The following CASD1 variants were observed in gnomAD, a reference collection of about 807,000 sequenced individuals.
The protein encoded by CASD1 is CAS1 domain sialic acid O acetyltransferase 1, also known as N-acetylneuraminate (7)9-O-acetyltransferase.
CASD1 carries 41 observed loss-of-function variants against 100.0 expected under a neutral mutation model. That is an observed-to-expected ratio of 0.41 (90% CI 0.32 to 0.53). The LOEUF (loss-of-function observed/expected upper bound fraction) is 0.53. Among genes scored for constraint, CASD1 ranks in the 20% least tolerant of loss-of-function variants. The pLI is 0.25. For missense variants in CASD1, 774 were observed against 948.7 expected (o/e 0.82, Z 2.42); for synonymous variants, 321 against 315.6 (o/e 1.02, Z -0.18).
chr7:94,588,734 T>C, the CASD1 span: 1 of 1,613,026 alleles, frequency 6.2e-7, no homozygotes, highest in South Asian at 1.1e-5. Context: ...GGCAAGTTCC[T>C]AGAAATGATG....
Position 94,537,785 on chromosome 7 carries a change from G to T in CASD1, c.1157G>T (p.Arg386Leu), listed in dbSNP as rs371554475. The change falls in exon 9 of 18, where the codon CGT becomes CTT. Residue 386 changes from arginine (R) to leucine (L), a missense_variant. Coordinates refer to ENST00000297273, the MANE Select transcript of CASD1 (RefSeq NM_022900.5). ...LIMAYFYMCD[R>L]ANLFMKENKF... ...ATGGCATATTTCTATATGTGTGACC[G>T]TGCAAATCTGTTCATGAAGGAAAAC... 1 of 1,612,522 alleles carries T rather than the reference G, an allele frequency of 6.2e-7. No individual in the cohort carries two copies. Among genetic ancestry groups the T allele is most frequent in the Non-Finnish European group, 8.5e-7 (1 of 1,178,968 alleles).
chr7:94,618,682 C>T, the CASD1 span: 1 of 1,227,088 alleles, frequency 8.1e-7, no homozygotes, highest in Non-Finnish European at 1.2e-6. Flanking sequence ...AGGCCATCTT[C>T]CATCTATAAT....
At chr7:94,602,508 TCA>T in the CASD1 span, among the ~76,000 whole-genome samples, 1 of 151,316 alleles carries the variant, frequency 6.6e-6, no homozygotes, top group Non-Finnish European at 1.5e-5. Context: ...TCACCACCAA[TCA>T]TAAAGAATTG....
chr7:94,595,534 A>G, the CASD1 span, among the ~76,000 whole-genome samples: 1 of 152,128 alleles, frequency 6.6e-6, no homozygotes, highest in Non-Finnish European at 1.5e-5. Context: ...ATTAATAAGT[A>G]CAAGACAGCA....
chr7:94,535,812 G>T (rs1326555642), intron 8 of CASD1, among the ~76,000 whole-genome samples: 1 of 152,104 alleles, frequency 6.6e-6, no homozygotes. Flanking sequence ...CTCCTCAGAA[G>T]CATATATGTT....
chr7:94,556,944 TA>T lies in CASD1; in HGVS notation c.*1189del, dbSNP rs1192816276. 2 of 152,100 alleles carry T rather than the reference TA, an allele frequency of 1.3e-5. No homozygotes were observed. The highest frequency in any genetic ancestry group is 4.8e-5 in the African/African-American group (2 of 41,458). The allele number at this position is 152,100 out of a possible 1,614,324, so 9.4% of individuals were successfully genotyped here. ...TGAAAATATGGAGTAATTTAAACAG[TA>T]AATAAACATTCTGTGGATGCTTATT... is the stretch of plus-strand genomic sequence containing the variant. On this transcript the variant is annotated 3_prime_UTR_variant, in exon 18 of 18. Coordinates refer to ENST00000297273, the MANE Select transcript of CASD1 (RefSeq NM_022900.5).
intron 13 of CASD1, among the ~76,000 whole-genome samples, chr7:94,548,461 T>C (rs1018895744): frequency 6.6e-6 from 1 of 151,732 alleles, no homozygotes; most frequent in Non-Finnish European, 1.5e-5. Flanking sequence ...TATACACACA[T>C]ATATATGATC....
chr7:94,518,462 G>A (rs1310234371), intron 3 of CASD1, 139 bp downstream of exon 3: 1 of 631,066 alleles, frequency 1.6e-6, no homozygotes, highest in African/African-American at 1.9e-5. Context: ...GGGAAAAAGA[G>A]GGATGAATTG....
chr7:94,610,548 CTATT>C, the CASD1 span, among the ~76,000 whole-genome samples: 1 of 152,100 alleles, frequency 6.6e-6, no homozygotes, highest in South Asian at 2.1e-4. Context: ...AGAGCTAAAA[CTATT>C]AAACTCTGAG....
chr7:94,547,220 AAAGTTC>A lies in CASD1; in HGVS notation c.1713+50_1713+55del, dbSNP rs1562948031. The A allele has an allele frequency of 3.6e-6, 5 of 1,390,300 alleles. No homozygotes were observed. In the South Asian group the frequency reaches 7.0e-5, roughly 20 times the overall value. 86.1% of individuals were successfully genotyped at this position (1,390,300 alleles called of 1,614,324 possible). ...TTTATATTTTTTCATATTTTATTTT[AAAGTTC>A]AAGTCTATTAAAGCATGTGAGAAGA... On this transcript the variant is annotated intron_variant, in intron 13 of 17. Coordinates refer to ENST00000297273, the MANE Select transcript of CASD1 (RefSeq NM_022900.5).
chr7:94,541,055 A>G (rs1217202822), intron 10 of CASD1, among the ~76,000 whole-genome samples: 2 of 152,074 alleles, frequency 1.3e-5, no homozygotes, highest in African/African-American at 2.4e-5. Flanking sequence ...CTAATTTACA[A>G]TTTTAAAAAA....
intron 4 of CASD1, among the ~76,000 whole-genome samples, chr7:94,527,943 T>A (rs1267814567): frequency 6.6e-6 from 1 of 152,142 alleles, no homozygotes; most frequent in African/African-American, 2.4e-5. Flanking sequence ...CATAGCAAGA[T>A]CAGATTTAAG....
the CASD1 span, among the ~76,000 whole-genome samples, chr7:94,606,869 A>G: frequency 1.3e-5 from 2 of 152,212 alleles, no homozygotes; most frequent in Non-Finnish European, 2.9e-5. Context: ...TTGCACATGG[A>G]TTAAAGGAGA....
intron 13 of CASD1, among the ~76,000 whole-genome samples, chr7:94,547,386 C>T (rs1224047265): frequency 6.6e-6 from 1 of 151,832 alleles, no homozygotes; most frequent in African/African-American, 2.4e-5. Flanking sequence ...CAAGTTAAAG[C>T]TCTTCCTCTG....
chr7:94,551,548 C>A, intron 15 of CASD1, 70 bp downstream of exon 15: 1 of 625,844 alleles, frequency 1.6e-6, no homozygotes, highest in Non-Finnish European at 2.3e-6. Flanking sequence ...GAAATATAAT[C>A]AATTATTTTT....
the CASD1 span, chr7:94,628,397 A>G: frequency 6.6e-7 from 1 of 1,517,118 alleles, no homozygotes. Flanking sequence ...TAAGACAGTT[A>G]TTTTCACACA....
chr7:94,630,749 A>C, the CASD1 span, among the ~76,000 whole-genome samples: 1 of 151,832 alleles, frequency 6.6e-6, no homozygotes, highest in Admixed American at 6.6e-5. Context: ...TAGTGGCTGC[A>C]ATTTTTAGAG....
At chr7:94,623,250 ATATTT>A in the CASD1 span, 1 of 901,530 alleles carries the variant, frequency 1.1e-6, no homozygotes, top group Admixed American at 2.3e-5. Flanking sequence ...ATTCTTGACT[ATATTT>A]TATGTAGTTA....
At chr7:94,560,057 A>G (rs115555249), downstream of CASD1, among the ~76,000 whole-genome samples, 793 of 152,150 alleles carry the variant, frequency 5.2e-3, 7 homozygotes, top group African/African-American at 0.018. Context: ...TCTCTTTTCT[A>G]TCCATCCTTA....
Sources: gnomAD v4.1 joint callset for allele counts (sites outside exome capture counted in the v4.1 genomes callset) on GRCh38, gnomAD v4.1.1 for gene constraint, MANE v1.5 for transcripts, NCBI Gene and HGNC (gene_info 2026-07-23, HGNC 2026-07-21) for gene names.